Variants in PPTC7 observed in about 807,000 individuals in gnomAD.
The protein encoded by PPTC7 is protein phosphatase targeting COQ7.
In PPTC7, 6 loss-of-function variants were observed where a neutral mutation model predicts 30.8. That is an observed-to-expected ratio of 0.19 (90% CI 0.11 to 0.38). The LOEUF (loss-of-function observed/expected upper bound fraction) is 0.38. PPTC7 is among the 10% of genes least tolerant of loss of function. The probability of loss-of-function intolerance (pLI) is 1.00; values close to 1 mark genes in which losing one functional copy is unlikely to be tolerated. For missense variants in PPTC7, 218 were observed against 404.8 expected, an observed-to-expected ratio of 0.54 and a Z score of 3.96; for synonymous variants, 163 against 168.1, an observed-to-expected ratio of 0.97 and a Z score of 0.23.
At chr12:110,566,800 C>T (rs546049759) in intron 1 of PPTC7, among the ~76,000 whole-genome samples, 12 of 152,280 alleles carry the variant, frequency 7.9e-5, no homozygotes, top group Admixed American at 7.2e-4. Flanking sequence ...AGTCACACAT[C>T]CACCACCATT....
At chr12:110,565,878 C>G (rs2064479107) in intron 1 of PPTC7, among the ~76,000 whole-genome samples, 1 of 152,054 alleles carries the variant, frequency 6.6e-6, no homozygotes, top group South Asian at 2.1e-4. Context: ...CAAAGAAGGT[C>G]AGATTATGCA....
intron 1 of PPTC7, among the ~76,000 whole-genome samples, chr12:110,568,170 G>C (rs1194797886): frequency 6.6e-6 from 1 of 151,546 alleles, no homozygotes; most frequent in Non-Finnish European, 1.5e-5. Flanking sequence ...TCAATCTGGA[G>C]TATTCCCATT....
At chr12:110,571,896 T>C (rs755021518) in intron 1 of PPTC7, among the ~76,000 whole-genome samples, 2 of 152,234 alleles carry the variant, frequency 1.3e-5, no homozygotes, top group Non-Finnish European at 2.9e-5. Flanking sequence ...TCTAATTTCA[T>C]AGAAACACTA....
At chr12:110,540,202 T>A (rs529519676) in intron 3 of PPTC7, among the ~76,000 whole-genome samples, 2 of 152,076 alleles carry the variant, frequency 1.3e-5, no homozygotes, top group South Asian at 4.2e-4. Flanking sequence ...TAGTCACAAG[T>A]GGCTGAGAAG....
At chr12:110,537,803 G>A (rs1048195270) in intron 5 of PPTC7, among the ~76,000 whole-genome samples, 6 of 152,230 alleles carry the variant, frequency 3.9e-5, no homozygotes, top group African/African-American at 1.4e-4. Flanking sequence ...TCAGACACGT[G>A]AAAGGCTGAA....
intron 1 of PPTC7, among the ~76,000 whole-genome samples, chr12:110,577,981 C>A (rs943310768): frequency 6.6e-6 from 1 of 152,112 alleles, no homozygotes; most frequent in African/African-American, 2.4e-5. Context: ...GTTTTTAATT[C>A]ACATATATCA....
intron 1 of PPTC7, among the ~76,000 whole-genome samples, chr12:110,573,841 T>G (rs2135793722): frequency 6.6e-6 from 1 of 151,794 alleles, no homozygotes; most frequent in Non-Finnish European, 1.5e-5. Flanking sequence ...ATTAGTCGGG[T>G]GTGGTGGCAC....
At chr12:110,538,366 G>T in intron 4 of PPTC7, 93 bp from the exon 5 acceptor site, 2 of 1,251,406 alleles carry the variant, frequency 1.6e-6, no homozygotes, top group Non-Finnish European at 1.1e-6. Context: ...TTTTATTCTA[G>T]TTAGAAAAGA....
chr12:110,560,040 CT>C (rs2064425518), intron 1 of PPTC7, among the ~76,000 whole-genome samples: 1 of 152,116 alleles, frequency 6.6e-6, no homozygotes, highest in African/African-American at 2.4e-5. Context: ...GAAGAAAATT[CT>C]TAAGCAATTT....
chr12:110,546,149 A>T, intron 2 of PPTC7, 71 bp from the exon 3 acceptor site: 1 of 1,245,430 alleles, frequency 8.0e-7, no homozygotes. Context: ...TTAACACATG[A>T]CCCCACAGAG....
intron 1 of PPTC7, among the ~76,000 whole-genome samples, chr12:110,579,874 G>A (rs559714809): frequency 2.0e-5 from 3 of 152,118 alleles, no homozygotes; most frequent in South Asian, 4.2e-4. Context: ...TTAGCCGGGC[G>A]TGATGGCGCG....
At chr12:110,537,126 T>C (rs1593140230) in intron 5 of PPTC7, 31 bp from the exon 6 acceptor site, 1 of 1,535,230 alleles carries the variant, frequency 6.5e-7, no homozygotes, top group African/African-American at 1.4e-5. Context: ...TATCAGTATA[T>C]TTTAAAAGGA....
chr12:110,583,264 T>G lies in PPTC7; in HGVS notation c.-233A>C. Reference sequence around the variant, plus strand: ...GGCGGCTCCTCCGCCTCAGCCCAACTGAAGTCCCGGCTGCAGCGGCCGCCG... The same window carrying G: ...GGCGGCTCCTCCGCCTCAGCCCAACGGAAGTCCCGGCTGCAGCGGCCGCCG... On this transcript the variant is annotated 5_prime_UTR_variant, in exon 1 of 6. Transcript: ENST00000354300. 1 of 156,486 alleles carries G rather than the reference T, an allele frequency of 6.4e-6. No individual in the cohort carries two copies. The allele number at this position is 156,486 out of a possible 1,614,324, so 9.7% of individuals were successfully genotyped here.
In PPTC7 at chr12:110,536,409, A is replaced by T. The variant is rs1401944365; in HGVS notation, c.*628T>A. On this transcript the variant is annotated 3_prime_UTR_variant, in exon 6 of 6. Coordinates refer to ENST00000354300, the MANE Select transcript of PPTC7 (RefSeq NM_139283.2). ...TTAAAAGCATGAAATATTTCCATCC[A>T]TAGAACTAAAATGGATTTTTCTCCC... The T allele has an allele frequency of 6.6e-6, 1 of 152,240 alleles. No homozygotes were observed. The highest frequency in any genetic ancestry group is 2.4e-5 in the African/African-American group (1 of 41,466). The allele number at this position is 152,240 out of a possible 1,614,324, so 9.4% of individuals were successfully genotyped here.
Position 110,536,856 on chromosome 12 carries a change from A to C in PPTC7, c.*181T>G. ...CAATTGCTGCCGGCAGATATGAGCT[A>C]GTGAATGATAGTAGTGGTTCTCAAC... On this transcript the variant is annotated 3_prime_UTR_variant, in exon 6 of 6. Coordinates refer to ENST00000354300, the MANE Select transcript of PPTC7 (RefSeq NM_139283.2). 1 of 563,410 alleles carries C rather than the reference A, an allele frequency of 1.8e-6. No homozygotes were observed. Among genetic ancestry groups the C allele is most frequent in the South Asian group, 3.0e-5 (1 of 33,646 alleles). The allele number at this position is 563,410 out of a possible 1,614,324, so 34.9% of individuals were successfully genotyped here.
chr12:110,538,715 C>A (rs2064236180), intron 4 of PPTC7, among the ~76,000 whole-genome samples: 1 of 152,156 alleles, frequency 6.6e-6, no homozygotes, highest in African/African-American at 2.4e-5. Flanking sequence ...GCTGTGAAAT[C>A]TTGGGCCATA....
intron 3 of PPTC7, among the ~76,000 whole-genome samples, chr12:110,541,434 G>A (rs943134158): frequency 1.3e-5 from 2 of 151,810 alleles, no homozygotes; most frequent in East Asian, 2.0e-4. Flanking sequence ...CTTGCCAGTC[G>A]CAGTGGCTCA....
intron 1 of PPTC7, among the ~76,000 whole-genome samples, chr12:110,570,825 T>A (rs970464244): frequency 4.6e-5 from 7 of 151,394 alleles, no homozygotes; most frequent in African/African-American, 1.5e-4. Context: ...CACCCACAGA[T>A]AATCAATAAA....
intron 1 of PPTC7, among the ~76,000 whole-genome samples, chr12:110,565,017 G>A (rs986108406): frequency 4.6e-5 from 7 of 151,376 alleles, no homozygotes; most frequent in Non-Finnish European, 1.0e-4. Context: ...TGGGATTACA[G>A]GCACCCGTCA....
Sources: allele counts gnomAD v4.1 joint callset (sites outside exome capture counted in the v4.1 genomes callset), GRCh38; gene constraint gnomAD v4.1.1; transcripts MANE v1.5; gene names NCBI Gene and HGNC (gene_info 2026-07-23, HGNC 2026-07-21).